RELN: variants seen among roughly 807,000 people sequenced by gnomAD.
RELN encodes the protein reelin.
A neutral mutation model predicts 427.6 loss-of-function variants in RELN; 108 were observed. The observed-to-expected ratio is 0.25, with a 90% CI of 0.22 to 0.30. The LOEUF is 0.30. Among genes scored for constraint, RELN ranks in the 10% least tolerant of loss-of-function variants. The pLI, the probability that RELN is intolerant of heterozygous loss-of-function variation, is 1.00. For synonymous variants in RELN, 1,524 were observed against 1,513.4 expected (o/e 1.01, Z -0.16); for missense variants, 3,715 against 4,302.8 (o/e 0.86, Z 3.82).
chr7:103,559,752 C>A (rs1161670807), intron 36 of RELN, among the ~76,000 whole-genome samples: 1 of 152,134 alleles, frequency 6.6e-6, no homozygotes, highest in African/African-American at 2.4e-5. Context: ...GTGTTGGATT[C>A]TTTTAGAGCT....
chr7:103,925,940 T>TA, intron 1 of RELN, among the ~76,000 whole-genome samples: 1 of 152,124 alleles, frequency 6.6e-6, no homozygotes, highest in Non-Finnish European at 1.5e-5. Flanking sequence ...TTTTATACAA[T>TA]AAAAAAGGCT....
intron 2 of RELN, among the ~76,000 whole-genome samples, chr7:103,892,572 C>A (rs1794874170): frequency 6.6e-6 from 1 of 152,098 alleles, no homozygotes; most frequent in African/African-American, 2.4e-5. Flanking sequence ...TATAAGATCA[C>A]AACCAATTTC....
intron 2 of RELN, among the ~76,000 whole-genome samples, chr7:103,903,779 C>A (rs1795134634): frequency 6.6e-6 from 1 of 151,998 alleles, no homozygotes; most frequent in African/African-American, 2.4e-5. Context: ...ACTAGAAGAA[C>A]TGCTCTTCCT....
chr7:103,932,853 G>T (rs571215031), intron 1 of RELN, among the ~76,000 whole-genome samples: 1 of 152,322 alleles, frequency 6.6e-6, no homozygotes, highest in East Asian at 1.9e-4. Context: ...CCTTCCAGCA[G>T]TGCACACGGG....
chr7:103,946,746 G>A (rs1196499785), intron 1 of RELN, among the ~76,000 whole-genome samples: 1 of 152,190 alleles, frequency 6.6e-6, no homozygotes, highest in Non-Finnish European at 1.5e-5. Context: ...GGAGGAGAAC[G>A]TGATTGTAAT....
chr7:103,594,337 T>C lies in RELN; in HGVS notation c.3695A>G (p.Asn1232Ser). 6.2e-7 allele frequency: 1 copy of C among 1,613,962 alleles called. No homozygotes were observed. Among genetic ancestry groups the C allele is most frequent in the East Asian group, 2.2e-5 (1 of 44,868 alleles). Reference protein sequence around the residue: ...EKQKQIIPVINPTLPQNFYEK... With the variant: ...EKQKQIIPVISPTLPQNFYEK... ...GGAGAATACCTGAGGTAAAGTTGGA[T>C]TGATAACTGGGATGATCTGCTTCTG... The change falls in exon 26 of 65, where the codon AAT becomes AGT. Residue 1232 changes from asparagine to serine, a missense_variant. Coordinates refer to ENST00000428762, the MANE Select transcript of RELN (RefSeq NM_005045.4).
At chr7:103,807,743 T>C (rs984925500) in intron 3 of RELN, among the ~76,000 whole-genome samples, 3 of 152,192 alleles carry the variant, frequency 2.0e-5, no homozygotes, top group African/African-American at 4.8e-5. Flanking sequence ...TTAGTTTGCT[T>C]AGGATAAGGG....
At chr7:103,928,685 T>G (rs1042236843) in intron 1 of RELN, among the ~76,000 whole-genome samples, 24 of 152,210 alleles carry the variant, frequency 1.6e-4, no homozygotes, top group African/African-American at 5.5e-4. Context: ...GTGTAAATGT[T>G]GTTTAACAAG....
chr7:103,539,469 G>C (rs1415517128), intron 44 of RELN, 142 bp from the exon 45 acceptor site: 7 of 775,138 alleles, frequency 9.0e-6, no homozygotes, highest in Non-Finnish European at 1.5e-5. Context: ...AGAATGTGAG[G>C]GGCCTTTCAG....
intron 8 of RELN, among the ~76,000 whole-genome samples, chr7:103,707,181 C>CCA (rs1834221523): frequency 6.6e-6 from 1 of 152,064 alleles, no homozygotes; most frequent in African/African-American, 2.4e-5. Context: ...CCCTTCACCA[C>CCA]CACCTCCTTA....
In RELN at chr7:103,491,990, G is replaced by A. The variant is rs767535167; in HGVS notation, c.9406C>T (p.Leu3136Phe). Residue 3136 changes from leucine to phenylalanine, a missense_variant, in exon 58 of 65, where the codon CTT becomes TTT. By Grantham distance (22) the Leu-to-Phe change is conservative. This residue lies in a region of RELN where 1,310 missense variants were observed against 1,643.0 expected (regional missense o/e 0.80). Transcript: ENST00000428762. The part of the protein sequence containing the change: ...VGCEATSCGD[L>F]HSVMLEYTKD... ...GTGTATTCCAGCATTACGGAATGAA[G>A]GTCACCACAAGAAGTGGCTTCACAA... 1 of 1,613,252 alleles carries A rather than the reference G, an allele frequency of 6.2e-7. No individual in the cohort carries two copies. The highest frequency in any genetic ancestry group is 8.5e-7 in the Non-Finnish European group (1 of 1,179,760).
At chr7:103,608,950 C>T (rs536270672) in intron 22 of RELN, among the ~76,000 whole-genome samples, 7 of 152,090 alleles carry the variant, frequency 4.6e-5, no homozygotes, top group South Asian at 2.1e-4. Context: ...AGGCTAGGCG[C>T]GGTGGGTCAT....
At chr7:103,589,476 A>AT in intron 28 of RELN, 120 bp downstream of exon 28, 2 of 744,558 alleles carry the variant, frequency 2.7e-6, no homozygotes, top group South Asian at 3.0e-5. Context: ...TTTAAAAATT[A>AT]TTTTTCCCAG....
At chr7:103,796,875 C>CAAAAAAAAAAAA (rs1310087423) in intron 3 of RELN, among the ~76,000 whole-genome samples, 13 of 67,092 alleles carry the variant, frequency 1.9e-4, no homozygotes, top group South Asian at 6.7e-4. Context: ...CTCCATCTCA[C>CAAAAAAAAAAAA]AAAAAAAAAA....
intron 22 of RELN, among the ~76,000 whole-genome samples, chr7:103,608,051 T>C (rs1195654397): frequency 6.6e-6 from 1 of 152,198 alleles, no homozygotes; most frequent in African/African-American, 2.4e-5. Flanking sequence ...GGGACCACAT[T>C]TGCTTTTATG....
intron 50 of RELN, among the ~76,000 whole-genome samples, chr7:103,511,658 G>A (rs1030671139): frequency 2.0e-5 from 3 of 151,942 alleles, no homozygotes; most frequent in African/African-American, 2.4e-5. Context: ...TGGGAGGATC[G>A]CTTGAGGCCA....
chr7:103,796,875 C>CAAAAAAAAAAAAAAA (rs1310087423), intron 3 of RELN, among the ~76,000 whole-genome samples: 2 of 67,132 alleles, frequency 3.0e-5, no homozygotes, highest in African/African-American at 5.4e-5. Context: ...CTCCATCTCA[C>CAAAAAAAAAAAAAAA]AAAAAAAAAA....
rs530534464 is a variant in RELN at position 103,898,464 on chromosome 7, C to T, written c.337+18611G>A. On this transcript the variant is annotated intron_variant, in intron 2 of 64. Coordinates refer to ENST00000428762, the MANE Select transcript of RELN (RefSeq NM_005045.4). ...TTCATAAAAATTTATAAAAGATTCA[C>T]AAAAGCAAAATAACTTACATTAACA... is the stretch of plus-strand genomic sequence containing the variant. Among the ~76,000 whole-genome samples the T allele has an allele frequency of 1.1e-4, 16 of 152,024 alleles. No homozygotes were observed. The East Asian group carries it at 2.9e-3, about 28-fold the overall frequency.
chr7:103,759,902 T>C (rs1463312442), intron 4 of RELN, among the ~76,000 whole-genome samples: 2 of 151,500 alleles, frequency 1.3e-5, no homozygotes, highest in African/African-American at 4.8e-5. Flanking sequence ...AAATGAAAGT[T>C]AGAACATTTC....
Sources: allele counts gnomAD v4.1 joint callset (sites outside exome capture counted in the v4.1 genomes callset), GRCh38; gene constraint gnomAD v4.1.1; regional missense constraint gnomAD v4.1.1; transcripts MANE v1.5; gene names NCBI Gene and HGNC (gene_info 2026-07-23, HGNC 2026-07-21).